Variants in RANBP9 observed in about 807,000 individuals in gnomAD.
RANBP9 encodes the protein ran-binding protein 9.
A neutral mutation model predicts 84.3 loss-of-function variants in RANBP9; 15 were observed. That is an observed-to-expected ratio of 0.18 (90% CI 0.12 to 0.27). RANBP9 has a LOEUF of 0.27. Among genes scored for constraint, RANBP9 ranks in the 10% least tolerant of loss-of-function variants. The pLI is 1.00. For synonymous variants in RANBP9, 392 were observed against 349.6 expected, an observed-to-expected ratio of 1.12 and a Z score of -1.35; for missense variants, 809 against 912.8, an observed-to-expected ratio of 0.89 and a Z score of 1.46.
At chr6:13,709,406 A>C (rs1008211834) in intron 1 of RANBP9, among the ~76,000 whole-genome samples, 1 of 152,232 alleles carries the variant, frequency 6.6e-6, no homozygotes, top group Non-Finnish European at 1.5e-5. Flanking sequence ...TTTATGAGCA[A>C]ATTATTTACT....
At chr6:13,710,755 C>A (rs1758256064) in intron 1 of RANBP9, among the ~76,000 whole-genome samples, 180 bp downstream of exon 1, 1 of 152,242 alleles carries the variant, frequency 6.6e-6, no homozygotes, top group Admixed American at 6.5e-5. Context: ...TCTCGCCCCT[C>A]ACCCTCGGAC....
intron 9 of RANBP9, among the ~76,000 whole-genome samples, chr6:13,638,882 G>A (rs1765001525): frequency 6.6e-6 from 1 of 152,014 alleles, no homozygotes; most frequent in Admixed American, 6.6e-5. Flanking sequence ...GGGAGGCAGC[G>A]GCAGCCCAGC....
chr6:13,711,368 A>G lies in RANBP9; in HGVS notation c.138T>C (p.Ser46=). The part of the protein sequence containing the change: ...PAPPAVSAGS[S]PAGSPGGGAG... ...CACCGCCGCCGGGCGAGCCGGCCGG[A>G]GAAGAGCCGGCGCTGACGGCCGGGG... The change falls in exon 1 of 14, where the codon TCT becomes TCC. Residue 46 remains serine (S), a synonymous_variant. Transcript: ENST00000011619. 1.7e-6 allele frequency: 2 copies of G among 1,159,412 alleles called. No individual in the cohort carries two copies. Among genetic ancestry groups the G allele is most frequent in the Non-Finnish European group, 2.1e-6 (2 of 942,460 alleles). 71.8% of individuals were successfully genotyped at this position (1,159,412 alleles called of 1,614,324 possible). A position where few individuals can be genotyped will look rare whatever the true frequency, so the allele number is the denominator to read the frequency against.
intron 2 of RANBP9, among the ~76,000 whole-genome samples, chr6:13,678,200 T>C (rs1448929580): frequency 6.6e-6 from 1 of 152,152 alleles, no homozygotes; most frequent in Non-Finnish European, 1.5e-5. Flanking sequence ...TTTCAGTGTT[T>C]AGAAAAGGCA....
intron 2 of RANBP9, among the ~76,000 whole-genome samples, chr6:13,664,957 C>A (rs1470707154): frequency 6.6e-6 from 1 of 152,000 alleles, no homozygotes; most frequent in Admixed American, 6.6e-5. Context: ...AACAAAGAGA[C>A]CCACATTTAT....
intron 5 of RANBP9, among the ~76,000 whole-genome samples, chr6:13,645,767 T>G (rs1005215024): frequency 1.3e-5 from 2 of 152,202 alleles, no homozygotes; most frequent in Non-Finnish European, 2.9e-5. Flanking sequence ...ATGTCTTATA[T>G]CTTTAATAGT....
intron 2 of RANBP9, among the ~76,000 whole-genome samples, chr6:13,693,938 G>C (rs929330964): frequency 2.0e-5 from 3 of 152,120 alleles, no homozygotes; most frequent in Non-Finnish European, 4.4e-5. Context: ...AGCTACTTGG[G>C]AGGCTGAGGC....
chr6:13,685,829 G>A (rs1766161526), intron 2 of RANBP9, among the ~76,000 whole-genome samples: 2 of 151,540 alleles, frequency 1.3e-5, no homozygotes, highest in South Asian at 2.1e-4. Flanking sequence ...TGGGAGGGAG[G>A]CTGAGGTGGG....
chr6:13,681,667 C>A (rs1012554206), intron 2 of RANBP9, among the ~76,000 whole-genome samples: 5 of 152,256 alleles, frequency 3.3e-5, no homozygotes, highest in African/African-American at 1.2e-4. Context: ...TCACTCCCAT[C>A]CCCATTTAAC....
chr6:13,664,374 T>C (rs116559222), intron 2 of RANBP9, among the ~76,000 whole-genome samples: 8,072 of 152,192 alleles, frequency 0.053, 223 homozygotes, highest in Middle Eastern at 0.085. Context: ...AAACATATCA[T>C]GTCTACGAAT....
At chr6:13,688,619 T>C (rs959671257) in intron 2 of RANBP9, among the ~76,000 whole-genome samples, 1 of 152,026 alleles carries the variant, frequency 6.6e-6, no homozygotes, top group Non-Finnish European at 1.5e-5. Flanking sequence ...CTTAGCACAG[T>C]ATCTGGCACA....
intron 12 of RANBP9, among the ~76,000 whole-genome samples, chr6:13,629,004 T>C (rs1359709551): frequency 2.0e-5 from 3 of 152,166 alleles, no homozygotes; most frequent in African/African-American, 7.2e-5. Flanking sequence ...GAAACAAAGA[T>C]ACATGTATAA....
At position 13,693,639 on chromosome 6, in the gene RANBP9, A is replaced by C. The variant is rs141735478; in HGVS notation, c.683+3146T>G. Reference sequence around the variant, plus strand: ...AGCAGATATCATATCCCTCCACAGCATGGCTGGTTTCTGTCACTCAACAAG... The same window carrying C: ...AGCAGATATCATATCCCTCCACAGCCTGGCTGGTTTCTGTCACTCAACAAG... On this transcript the variant is annotated intron_variant, in intron 2 of 13. Coordinates refer to ENST00000011619, the MANE Select transcript of RANBP9 (RefSeq NM_005493.3). 7.6e-3 allele frequency among the ~76,000 whole-genome samples: 1,156 copies of C among 152,290 alleles called. 11 individuals are homozygous for C. Among genetic ancestry groups the C allele is most frequent in the African/African-American group, 0.026 (1,082 of 41,560 alleles).
chr6:13,648,555 G>C (rs898974055), intron 5 of RANBP9, among the ~76,000 whole-genome samples: 7 of 152,130 alleles, frequency 4.6e-5, no homozygotes, highest in Non-Finnish European at 2.9e-5. Flanking sequence ...ATGTAGAATA[G>C]TATATAGACA....
At chr6:13,688,488 T>C (rs1352035527) in intron 2 of RANBP9, among the ~76,000 whole-genome samples, 1 of 152,206 alleles carries the variant, frequency 6.6e-6, no homozygotes, top group Non-Finnish European at 1.5e-5. Flanking sequence ...GTGTATCTCA[T>C]ACTGGATTTT....
intron 1 of RANBP9, among the ~76,000 whole-genome samples, chr6:13,709,774 AACTT>A (rs1301706649): frequency 6.6e-6 from 1 of 152,252 alleles, no homozygotes; most frequent in Non-Finnish European, 1.5e-5. Flanking sequence ...ATTAAATAGT[AACTT>A]ACTTATCAAG....
chr6:13,646,619 A>G (rs1021083763), intron 5 of RANBP9, among the ~76,000 whole-genome samples: 4 of 152,240 alleles, frequency 2.6e-5, no homozygotes, highest in African/African-American at 9.6e-5. Flanking sequence ...TTACAAATTC[A>G]GAAAAAATAA....
At chr6:13,670,087 G>A (rs1765740125) in intron 2 of RANBP9, among the ~76,000 whole-genome samples, 1 of 152,106 alleles carries the variant, frequency 6.6e-6, no homozygotes, top group African/African-American at 2.4e-5. Context: ...CAAGTCAGGA[G>A]TTCAAGACCA....
intron 2 of RANBP9, among the ~76,000 whole-genome samples, chr6:13,670,046 T>G (rs1298654215): frequency 6.6e-6 from 1 of 152,046 alleles, no homozygotes; most frequent in Non-Finnish European, 1.5e-5. Context: ...TCCCCGCGCT[T>G]TGAAAGGCCA....
Sources: gnomAD v4.1 joint callset for allele counts (sites outside exome capture counted in the v4.1 genomes callset) on GRCh38, gnomAD v4.1.1 for gene constraint, MANE v1.5 for transcripts, NCBI Gene and HGNC (gene_info 2026-07-23, HGNC 2026-07-21) for gene names.